DMD: variants seen among roughly 807,000 people sequenced by gnomAD.
DMD encodes the protein mutant dystrophin.
DMD carries 63 observed loss-of-function variants against 330.1 expected under a neutral mutation model. That is an observed-to-expected ratio of 0.19 (90% CI 0.16 to 0.24). The LOEUF (loss-of-function observed/expected upper bound fraction) is 0.24. Ranked by LOEUF, DMD falls within the 10% of genes least tolerant of loss-of-function variation. DMD has a pLI of 1.00. For missense variants in DMD, 3,344 were observed against 2,684.1 expected (o/e 1.25, Z -5.43); for synonymous variants, 1,223 against 959.8 (o/e 1.27, Z -5.07).
At chrX:31,372,136 G>A (rs1322895977) in intron 60 of DMD, among the ~76,000 whole-genome samples, 5 of 111,455 alleles carry the variant, frequency 4.5e-5, no homozygotes, top group African/African-American at 6.5e-5. Flanking sequence ...CGGCTTAGGG[G>A]CAGAGACTAT....
chrX:32,944,998 T>A (rs940861548), intron 2 of DMD, among the ~76,000 whole-genome samples: 1 of 111,714 alleles, frequency 9.0e-6, no homozygotes, highest in Non-Finnish European at 1.9e-5. Context: ...TCATCTATAT[T>A]GCTGCCAGAT....
At chrX:32,689,570 G>A (rs1407193025) in intron 9 of DMD, among the ~76,000 whole-genome samples, 1 of 110,837 alleles carries the variant, frequency 9.0e-6, no homozygotes, top group Non-Finnish European at 1.9e-5. Context: ...ACTTTATAAG[G>A]TCAGCATTAC....
intron 60 of DMD, among the ~76,000 whole-genome samples, chrX:31,401,940 T>G (rs1225461548): frequency 1.8e-5 from 2 of 111,536 alleles, no homozygotes; most frequent in East Asian, 5.6e-4. Context: ...GGACTTCTTA[T>G]GGGCCAGACA....
chrX:31,836,205 T>TA (rs1191138175), intron 49 of DMD, among the ~76,000 whole-genome samples: 1 of 112,097 alleles, frequency 8.9e-6, no homozygotes, highest in Non-Finnish European at 1.9e-5. Flanking sequence ...AATAAGCAAT[T>TA]ACATGACATT....
chrX:32,633,343 A>C (rs1375592008), intron 11 of DMD, among the ~76,000 whole-genome samples: 1 of 111,572 alleles, frequency 9.0e-6, no homozygotes, highest in Non-Finnish European at 1.9e-5. Flanking sequence ...CAAACATGTC[A>C]TTTACTCCAG....
At chrX:32,348,307 A>C in intron 38 of DMD, 99 bp downstream of exon 38, 1 of 855,719 alleles carries the variant, frequency 1.2e-6, no homozygotes, top group East Asian at 3.2e-5. Flanking sequence ...AAAATGTGTA[A>C]TATGTGCTCT....
chrX:31,836,883 A>G, intron 48 of DMD, 64 bp from the exon 49 acceptor site: 1 of 968,830 alleles, frequency 1.0e-6, no homozygotes, highest in Non-Finnish European at 1.5e-6. Context: ...TACTAAATTT[A>G]AATATACCCT....
intron 44 of DMD, among the ~76,000 whole-genome samples, chrX:31,987,055 A>T (rs1603619177): frequency 8.9e-6 from 1 of 112,137 alleles, no homozygotes; most frequent in African/African-American, 3.2e-5. Context: ...TCTATCTATC[A>T]TCTATCTGTT....
At chrX:33,218,538 T>TA (rs1210834889) in intron 1 of DMD, among the ~76,000 whole-genome samples, 84 of 110,015 alleles carry the variant, frequency 7.6e-4, no homozygotes, top group African/African-American at 2.7e-3. Flanking sequence ...AAGACTTTTT[T>TA]TAAAAAAAAA....
At chrX:33,175,530 T>C in intron 1 of DMD, among the ~76,000 whole-genome samples, 1 of 112,517 alleles carries the variant, frequency 8.9e-6, no homozygotes, top group Middle Eastern at 4.6e-3. Context: ...AATTATACAC[T>C]ATGCCCTTTA....
chrX:32,758,059 T>G (rs1186310728), intron 7 of DMD, among the ~76,000 whole-genome samples: 1 of 112,176 alleles, frequency 8.9e-6, no homozygotes, highest in Non-Finnish European at 1.9e-5. Context: ...GAGGTACAGT[T>G]ACCTATTATG....
At chrX:31,180,231 T>C (rs1359019900) in intron 69 of DMD, 139 bp downstream of exon 69, 6 of 542,215 alleles carry the variant, frequency 1.1e-5, no homozygotes, top group Non-Finnish European at 1.6e-5. Flanking sequence ...TCCTGAAGCC[T>C]ACAGTTGAGA....
intron 48 of DMD, among the ~76,000 whole-genome samples, chrX:31,868,823 T>TA (rs2093842821): frequency 1.5e-5 from 1 of 66,497 alleles, no homozygotes; most frequent in East Asian, 4.2e-4. Context: ...TTGGAGACTT[T>TA]TAAAAAATCA....
intron 1 of DMD, among the ~76,000 whole-genome samples, chrX:33,310,406 C>G (rs1411757958): frequency 1.8e-5 from 2 of 111,080 alleles, no homozygotes; most frequent in Non-Finnish European, 3.8e-5. Context: ...TGCAGATAAT[C>G]TGAGTCAATT....
intron 7 of DMD, among the ~76,000 whole-genome samples, chrX:32,759,928 G>T (rs2072043181): frequency 9.1e-6 from 1 of 109,471 alleles, no homozygotes; most frequent in African/African-American, 3.3e-5. Context: ...CACTCAGAAA[G>T]TAGTCCCTCA....
chrX:32,126,258 G>A (rs933309246), intron 44 of DMD, among the ~76,000 whole-genome samples: 2 of 112,287 alleles, frequency 1.8e-5, no homozygotes, highest in African/African-American at 6.5e-5. Flanking sequence ...GTGGTGCCAG[G>A]GGAAAGGACA....
intron 7 of DMD, among the ~76,000 whole-genome samples, chrX:32,720,049 G>T (rs150531768): frequency 0.02 from 2,236 of 109,892 alleles, 65 homozygotes; most frequent in African/African-American, 0.071. Flanking sequence ...AAATACACAA[G>T]ATACTTACAA....
Position 31,869,372 on chromosome X carries a change from G to T in DMD, c.7098+5816C>A, listed in dbSNP as rs993732160. Reference sequence around the variant, plus strand: ...GATTCTAGTCCTGTTCATTGTCTTTGATCTATTTTGCATTTCTTTGTAAAC... The same window carrying T: ...GATTCTAGTCCTGTTCATTGTCTTTTATCTATTTTGCATTTCTTTGTAAAC... On this transcript the variant is annotated intron_variant, in intron 48 of 78. Transcript: ENST00000357033. Among the ~76,000 whole-genome samples, 276 of 98,988 alleles carry T rather than the reference G, an allele frequency of 2.8e-3. 2 individuals carry two copies. The highest frequency in any genetic ancestry group is 7.9e-3 in the South Asian group (16 of 2,036). 86.0% of individuals were successfully genotyped at this position (98,988 alleles called of 115,157 possible). A position where few individuals can be genotyped will look rare whatever the true frequency, so the allele number is the denominator to read the frequency against.
At chrX:32,230,304 G>A (rs551858305) in intron 43 of DMD, among the ~76,000 whole-genome samples, 1 of 112,266 alleles carries the variant, frequency 8.9e-6, no homozygotes, top group African/African-American at 3.2e-5. Context: ...GAGTGCAGCG[G>A]CGCGATCTCG....
Sources: gnomAD v4.1 joint callset for allele counts (sites outside exome capture counted in the v4.1 genomes callset) on GRCh38, gnomAD v4.1.1 for gene constraint, MANE v1.5 for transcripts, NCBI Gene and HGNC (gene_info 2026-07-23, HGNC 2026-07-21) for gene names.